The following CMC1 variants were observed in gnomAD, a reference collection of about 807,000 sequenced individuals.
CMC1 encodes the protein COX assembly mitochondrial protein homolog.
Under a neutral mutation model 14.1 loss-of-function variants are expected in CMC1, and 14 were observed. That is an observed-to-expected ratio of 0.99 (90% confidence interval 0.66 to 1.55). CMC1 has a LOEUF of 1.55. Among genes scored for constraint, CMC1 ranks in the 40% most tolerant of loss-of-function variants. CMC1 has a pLI of 0.00. For missense variants in CMC1, 127 were observed against 123.8 expected, an observed-to-expected ratio of 1.03 and a Z score of -0.12; for synonymous variants, 50 against 38.4, an observed-to-expected ratio of 1.30 and a Z score of -1.12.
At chr3:28,271,900 G>T (rs576730549) in intron 2 of CMC1, among the ~76,000 whole-genome samples, 2 of 152,222 alleles carry the variant, frequency 1.3e-5, no homozygotes, top group African/African-American at 2.4e-5. Flanking sequence ...TGATTTCCTT[G>T]AGCAGTGGCT....
Position 28,322,540 on chromosome 3 carries a change from C to T in CMC1, c.*2911C>T, listed in dbSNP as rs1703218182. On this transcript the variant is annotated 3_prime_UTR_variant, in exon 4 of 4. Coordinates refer to ENST00000466830, the MANE Select transcript of CMC1 (RefSeq NM_182523.2). ...ATATAATATACAGCCTATGCAGCCA[C>T]ATGAGAAATAGTTTTTGCTGCTTTG... The T allele has an allele frequency of 6.6e-6, 1 of 151,596 alleles. No homozygotes were observed. The highest frequency in any genetic ancestry group is 1.5e-5 in the Non-Finnish European group (1 of 67,386). 9.4% of individuals were successfully genotyped at this position (151,596 alleles called of 1,614,324 possible).
At chr3:28,285,195 C>T (rs1701107542) in intron 2 of CMC1, among the ~76,000 whole-genome samples, 1 of 152,170 alleles carries the variant, frequency 6.6e-6, no homozygotes, top group Admixed American at 6.5e-5. Context: ...TGTGTATTCT[C>T]TGTCCTTACC....
chr3:28,260,746 A>G (rs1284487530), intron 1 of CMC1, among the ~76,000 whole-genome samples: 1 of 152,032 alleles, frequency 6.6e-6, no homozygotes, highest in African/African-American at 2.4e-5. Flanking sequence ...TTTCCTGCCA[A>G]GTACTGTTTT....
chr3:28,316,659 A>T (rs563415472), intron 3 of CMC1: 1 of 310,550 alleles, frequency 3.2e-6, no homozygotes, highest in South Asian at 1.3e-4. Flanking sequence ...AGACAAAAAT[A>T]TATGATTTTT....
chr3:28,291,877 T>G (rs1461287158), intron 2 of CMC1: 1 of 152,162 alleles, frequency 6.6e-6, no homozygotes, highest in Non-Finnish European at 1.5e-5. Context: ...CTTTGGGTTA[T>G]CTTCTCTATT....
chr3:28,269,811 C>T (rs1700192930), intron 2 of CMC1, among the ~76,000 whole-genome samples: 1 of 152,194 alleles, frequency 6.6e-6, no homozygotes, highest in Admixed American at 6.5e-5. Context: ...GGTGATCTGC[C>T]TGCCTTGGCC....
In CMC1 at chr3:28,324,072, T is replaced by C; in HGVS notation, c.*4443T>C. The C allele has an allele frequency of 6.2e-7, 1 of 1,609,316 alleles. No individual in the cohort carries two copies. Among genetic ancestry groups the C allele is most frequent in the Non-Finnish European group, 8.5e-7 (1 of 1,176,858 alleles). ...TCTTATAAAGGCAGTTCTGATTATG[T>C]TGATCCAAGTAATGCAGTGGTGGAA... On this transcript the variant is annotated 3_prime_UTR_variant, in exon 4 of 4. Coordinates refer to ENST00000466830, the MANE Select transcript of CMC1 (RefSeq NM_182523.2).
Position 28,319,766 on chromosome 3 carries a change from A to G in CMC1, c.*137A>G, listed in dbSNP as rs985347320. 1.4e-5 allele frequency: 11 copies of G among 775,234 alleles called. No individual in the cohort carries two copies. Among genetic ancestry groups the G allele is most frequent in the African/African-American group, 5.5e-5 (3 of 54,932 alleles). 48.0% of individuals were successfully genotyped at this position (775,234 alleles called of 1,614,324 possible). ...TAACTTTATCTGAAATAAATATTTT[A>G]TTTCAAAGTTTTGGTTTCTTAAATG... is the stretch of plus-strand genomic sequence containing the variant. On this transcript the variant is annotated 3_prime_UTR_variant, in exon 4 of 4. Transcript: ENST00000466830.
intron 2 of CMC1, among the ~76,000 whole-genome samples, chr3:28,276,798 ATT>A (rs1700610878): frequency 1.3e-5 from 2 of 152,236 alleles, no homozygotes; most frequent in African/African-American, 2.4e-5. Flanking sequence ...CAAAGGAGGC[ATT>A]TTGGTTTCTA....
chr3:28,278,449 G>C (rs770487700), intron 2 of CMC1, among the ~76,000 whole-genome samples: 21 of 152,084 alleles, frequency 1.4e-4, no homozygotes, highest in Non-Finnish European at 2.9e-4. Context: ...AATTGTGGTG[G>C]TTCTAATGTT....
chr3:28,323,949 T>A lies in CMC1; in HGVS notation c.*4320T>A. The A allele has an allele frequency of 7.0e-7, 1 of 1,420,156 alleles. No homozygotes were observed. The highest frequency in any genetic ancestry group is 1.4e-5 in the South Asian group (1 of 71,890). 88.0% of individuals were successfully genotyped at this position (1,420,156 alleles called of 1,614,324 possible). ...ACTGAAGACCTCTGCAAAATTTTAA[T>A]CAAAATCTCCTTTCAGTTTGTTAAA... is the stretch of plus-strand genomic sequence containing the variant. On this transcript the variant is annotated 3_prime_UTR_variant, in exon 4 of 4. Coordinates refer to ENST00000466830, the MANE Select transcript of CMC1 (RefSeq NM_182523.2).
chr3:28,317,486 TGAG>T (rs1702984091), intron 3 of CMC1: 1 of 152,130 alleles, frequency 6.6e-6, no homozygotes, highest in African/African-American at 2.4e-5. Flanking sequence ...AAATGTTTAC[TGAG>T]TAAACGAATC....
intron 2 of CMC1, among the ~76,000 whole-genome samples, chr3:28,297,341 C>G (rs1701787153): frequency 6.6e-6 from 1 of 151,886 alleles, no homozygotes; most frequent in Admixed American, 6.6e-5. Flanking sequence ...CATCTGAATC[C>G]CTGTTGAAAT....
intron 2 of CMC1, among the ~76,000 whole-genome samples, chr3:28,284,495 T>G (rs1701068805): frequency 6.6e-6 from 1 of 152,202 alleles, no homozygotes; most frequent in Non-Finnish European, 1.5e-5. Flanking sequence ...CATGTTTCTC[T>G]CCACAGAGAG....
intron 1 of CMC1, among the ~76,000 whole-genome samples, chr3:28,243,200 C>T (rs944209714): frequency 1.3e-5 from 2 of 152,006 alleles, no homozygotes; most frequent in South Asian, 4.2e-4. Flanking sequence ...GGATTACGGG[C>T]GCCCGCCACC....
intron 2 of CMC1, among the ~76,000 whole-genome samples, chr3:28,301,785 C>G (rs752501190): frequency 6.6e-6 from 1 of 151,912 alleles, no homozygotes. Flanking sequence ...TTTAAACTGG[C>G]GCTGAGCCAG....
At chr3:28,242,502 A>G (rs1698580590) in intron 1 of CMC1, among the ~76,000 whole-genome samples, 1 of 152,230 alleles carries the variant, frequency 6.6e-6, no homozygotes, top group Non-Finnish European at 1.5e-5. Flanking sequence ...CAAAAAGTCA[A>G]AACATTGAGA....
chr3:28,280,670 A>C (rs1044230625), intron 2 of CMC1, among the ~76,000 whole-genome samples: 2 of 152,202 alleles, frequency 1.3e-5, no homozygotes, highest in Admixed American at 6.5e-5. Context: ...TAAAATATGC[A>C]TAAGGATGTT....
intron 1 of CMC1, among the ~76,000 whole-genome samples, chr3:28,247,269 C>G (rs958414570): frequency 6.6e-6 from 1 of 151,816 alleles, no homozygotes; most frequent in Admixed American, 6.6e-5. Flanking sequence ...GAGCTGGTCA[C>G]TAGAACTGCA....
Sources: allele counts gnomAD v4.1 joint callset (sites outside exome capture counted in the v4.1 genomes callset), GRCh38; gene constraint gnomAD v4.1.1; transcripts MANE v1.5; gene names NCBI Gene and HGNC (gene_info 2026-07-23, HGNC 2026-07-21).